Variants in SLC35F4 observed in about 807,000 individuals in gnomAD.
SLC35F4 encodes the protein solute carrier family 35 member F4, also known as chromosome 14 open reading frame 36.
SLC35F4 carries 24 observed loss-of-function variants against 44.2 expected under a neutral mutation model. That is an observed-to-expected ratio of 0.54 (90% CI 0.39 to 0.76). The LOEUF (loss-of-function observed/expected upper bound fraction) is 0.76, where lower values mean the gene tolerates loss of function less well. Ranked by LOEUF, SLC35F4 falls within the 30% of genes least tolerant of loss-of-function variation. The pLI, the probability that SLC35F4 is intolerant of heterozygous loss-of-function variation, is 0.00. For missense variants in SLC35F4, 562 were observed against 586.1 expected (o/e 0.96, Z 0.42); for synonymous variants, 238 against 223.6 (o/e 1.06, Z -0.57).
intron 1 of SLC35F4, among the ~76,000 whole-genome samples, chr14:57,834,937 G>C (rs537235793): frequency 8.5e-5 from 13 of 152,350 alleles, no homozygotes; most frequent in African/African-American, 2.9e-4. Context: ...GCTGAGGCAG[G>C]AGAATTGCTT....
chr14:57,894,154 T>C (rs1456896436), intron 1 of SLC35F4, among the ~76,000 whole-genome samples: 1 of 152,126 alleles, frequency 6.6e-6, no homozygotes, highest in African/African-American at 2.4e-5. Context: ...ATAAAAACCC[T>C]ATGTTTAGCA....
At chr14:57,574,070 A>G (rs539518481) in intron 4 of SLC35F4, among the ~76,000 whole-genome samples, 2 of 152,344 alleles carry the variant, frequency 1.3e-5, no homozygotes, top group South Asian at 4.1e-4. Flanking sequence ...AACCAATTAA[A>G]AAACCCCAAA....
At chr14:57,752,028 G>C (rs60059107) in intron 1 of SLC35F4, among the ~76,000 whole-genome samples, 1 of 151,704 alleles carries the variant, frequency 6.6e-6, no homozygotes, top group African/African-American at 2.4e-5. Context: ...GAAAATTGCC[G>C]ATTAGACCTT....
intron 1 of SLC35F4, among the ~76,000 whole-genome samples, chr14:57,705,406 C>G (rs1489476060): frequency 6.6e-6 from 1 of 152,284 alleles, no homozygotes; most frequent in Non-Finnish European, 1.5e-5. Context: ...TGCTGGTTCT[C>G]TGTCTGACTC....
At chr14:57,678,462 T>A (rs2074774780) in intron 1 of SLC35F4, among the ~76,000 whole-genome samples, 1 of 151,964 alleles carries the variant, frequency 6.6e-6, no homozygotes, top group South Asian at 2.1e-4. Context: ...ATGCATTAAC[T>A]AACAAGCAAA....
At chr14:57,564,938 CT>C (rs1187713522) in intron 7 of SLC35F4, among the ~76,000 whole-genome samples, 4 of 152,088 alleles carry the variant, frequency 2.6e-5, no homozygotes, top group African/African-American at 7.2e-5. Context: ...CACCAATCTG[CT>C]TTTTTCCCCC....
chr14:57,834,940 A>C (rs1884759417), intron 1 of SLC35F4, among the ~76,000 whole-genome samples: 1 of 152,276 alleles, frequency 6.6e-6, no homozygotes, highest in Non-Finnish European at 1.5e-5. Flanking sequence ...GAGGCAGGAG[A>C]ATTGCTTGAA....
intron 1 of SLC35F4, among the ~76,000 whole-genome samples, chr14:57,718,485 A>G (rs1422610926): frequency 1.3e-5 from 2 of 152,110 alleles, no homozygotes; most frequent in African/African-American, 4.8e-5. Context: ...ATTCTCTTTT[A>G]TCCACATCCT....
At chr14:57,816,046 G>T (rs1367186386) in intron 1 of SLC35F4, among the ~76,000 whole-genome samples, 2 of 152,078 alleles carry the variant, frequency 1.3e-5, no homozygotes, top group African/African-American at 4.8e-5. Flanking sequence ...CTAAAGCAGG[G>T]CATTTTCATT....
chr14:57,796,304 C>T (rs975865265), intron 1 of SLC35F4, among the ~76,000 whole-genome samples: 9 of 152,086 alleles, frequency 5.9e-5, no homozygotes, highest in Non-Finnish European at 8.8e-5. Flanking sequence ...CTTTTCATTT[C>T]AAAACTTTCA....
intron 4 of SLC35F4, chr14:57,578,883 G>C (rs4901788): frequency 0.64 from 97,465 of 152,086 alleles, 31,355 homozygotes; most frequent in Admixed American, 0.71. Flanking sequence ...TACCACAAAC[G>C]TGGTGACTTA....
chr14:57,961,047 G>A (rs1890330352), intron 1 of SLC35F4, among the ~76,000 whole-genome samples: 1 of 152,126 alleles, frequency 6.6e-6, no homozygotes, highest in South Asian at 2.1e-4. Context: ...CCCCAACTCA[G>A]GCTCTGGCTC....
In SLC35F4 at chr14:57,745,984, C is replaced by T. The variant is rs1019860733; in HGVS notation, c.103+119739G>A. On this transcript the variant is annotated intron_variant, in intron 1 of 7. Coordinates refer to ENST00000556826, the MANE Select transcript of SLC35F4 (RefSeq NM_001306087.2). Reference sequence around the variant, plus strand: ...CATTCTCAGCAAACTATCGCAAGGACAAAAAACCAAACACCACATGTTCTC... The same window carrying T: ...CATTCTCAGCAAACTATCGCAAGGATAAAAAACCAAACACCACATGTTCTC... 2.0e-5 allele frequency among the ~76,000 whole-genome samples: 3 copies of T among 148,762 alleles called. 1 individual carries two copies.
At chr14:57,914,196 G>A (rs1193571327) in intron 1 of SLC35F4, among the ~76,000 whole-genome samples, 1 of 152,148 alleles carries the variant, frequency 6.6e-6, no homozygotes, top group Admixed American at 6.5e-5. Context: ...AGGTCATCCC[G>A]TGGTGAAAGG....
chr14:57,598,824 T>G (rs2070642563), intron 1 of SLC35F4, among the ~76,000 whole-genome samples: 1 of 152,154 alleles, frequency 6.6e-6, no homozygotes, highest in South Asian at 2.1e-4. Flanking sequence ...ATCTGGTGCC[T>G]AAACCTAAAG....
chr14:57,718,828 A>G (rs1310507323), intron 1 of SLC35F4, among the ~76,000 whole-genome samples: 3 of 152,106 alleles, frequency 2.0e-5, no homozygotes, highest in African/African-American at 7.2e-5. Flanking sequence ...TTTGCTGTAC[A>G]GAAGCTTTTT....
chr14:57,829,822 G>A (rs1335922739), intron 1 of SLC35F4, among the ~76,000 whole-genome samples: 3 of 152,092 alleles, frequency 2.0e-5, no homozygotes, highest in Non-Finnish European at 2.9e-5. Context: ...AAAGAAGGCC[G>A]TGAATATAAA....
rs1020395162 is a variant in SLC35F4 at position 57,597,920 on chromosome 14, G to A, written c.104-3796C>T. 2.0e-5 allele frequency among the ~76,000 whole-genome samples: 3 copies of A among 152,288 alleles called. No individual in the cohort carries two copies. In the East Asian group the frequency reaches 5.8e-4, roughly 29 times the overall value. ...CAGTATACAGTGGCTAAGAAACCAG[G>A]CTGTCTAAACCTGGGGAGACCTCGT... On this transcript the variant is annotated intron_variant, in intron 1 of 7. Coordinates refer to ENST00000556826, the MANE Select transcript of SLC35F4 (RefSeq NM_001306087.2).
chr14:57,719,308 C>A (rs921031377), intron 1 of SLC35F4, among the ~76,000 whole-genome samples: 5 of 151,822 alleles, frequency 3.3e-5, no homozygotes, highest in Non-Finnish European at 7.4e-5. Flanking sequence ...ATTATGGGTC[C>A]TTTGTGATTC....
Sources: allele counts gnomAD v4.1 joint callset (sites outside exome capture counted in the v4.1 genomes callset), GRCh38; gene constraint gnomAD v4.1.1; transcripts MANE v1.5; gene names NCBI Gene and HGNC (gene_info 2026-07-23, HGNC 2026-07-21).